SEC23B: variants seen among roughly 807,000 people sequenced by gnomAD.
SEC23B encodes SEC23 homolog B, COPII component, also known as protein transport protein Sec23B.
Under a neutral mutation model 104.3 loss-of-function variants are expected in SEC23B, and 77 were observed. The observed-to-expected ratio is 0.74, with a 90% confidence interval of 0.61 to 0.89. SEC23B has a LOEUF of 0.89. SEC23B is among the 40% of genes least tolerant of loss of function. The pLI is 0.00. For synonymous variants in SEC23B, 338 were observed against 332.5 expected, an observed-to-expected ratio of 1.02 and a Z score of -0.18; for missense variants, 885 against 949.4, an observed-to-expected ratio of 0.93 and a Z score of 0.89.
intron 10 of SEC23B, among the ~76,000 whole-genome samples, 191 bp from the exon 11 acceptor site, chr20:18,532,473 G>A (rs2060195870): frequency 6.6e-6 from 1 of 152,160 alleles, no homozygotes; most frequent in Non-Finnish European, 1.5e-5. Flanking sequence ...TCTAAGGGTG[G>A]ATTTTATTAA....
chr20:18,515,173 C>T (rs1311158451), intron 3 of SEC23B, among the ~76,000 whole-genome samples: 1 of 152,132 alleles, frequency 6.6e-6, no homozygotes, highest in Non-Finnish European at 1.5e-5. Context: ...TAGCTTAAAA[C>T]TGCTCTAAAA....
chr20:18,508,298 G>A (rs1181162077), intron 1 of SEC23B: 1 of 152,224 alleles, frequency 6.6e-6, no homozygotes, highest in African/African-American at 2.4e-5. Flanking sequence ...TGGAACCCAG[G>A]TCCTTGGACT....
chr20:18,560,424 C>A (rs1568629153), intron 19 of SEC23B, among the ~76,000 whole-genome samples: 1 of 152,146 alleles, frequency 6.6e-6, no homozygotes, highest in Non-Finnish European at 1.5e-5. Context: ...ATGCTCAAAA[C>A]TAGCAGGCGG....
intron 17 of SEC23B, among the ~76,000 whole-genome samples, chr20:18,553,948 G>A (rs1217615493): frequency 1.3e-5 from 2 of 152,122 alleles, no homozygotes; most frequent in East Asian, 1.9e-4. Context: ...GGAGTCCACC[G>A]CTCCTTGGGA....
intron 12 of SEC23B, among the ~76,000 whole-genome samples, chr20:18,538,175 A>T (rs924033905): frequency 6.6e-6 from 1 of 151,586 alleles, no homozygotes; most frequent in African/African-American, 2.4e-5. Flanking sequence ...AACTGACCTC[A>T]AGTGATCTGC....
At chr20:18,531,938 G>A (rs1186708631) in intron 10 of SEC23B, among the ~76,000 whole-genome samples, 4 of 152,018 alleles carry the variant, frequency 2.6e-5, no homozygotes, top group South Asian at 4.2e-4. Flanking sequence ...CACACCTGTG[G>A]TTCCAGCTAC....
At chr20:18,534,219 G>T (rs1218535880) in intron 11 of SEC23B, among the ~76,000 whole-genome samples, 1 of 152,170 alleles carries the variant, frequency 6.6e-6, no homozygotes, top group Non-Finnish European at 1.5e-5. Flanking sequence ...AAGCACGTCA[G>T]TATGCATCTT....
intron 6 of SEC23B, among the ~76,000 whole-genome samples, chr20:18,525,320 C>T (rs1206354467): frequency 6.6e-6 from 1 of 152,208 alleles, no homozygotes; most frequent in Non-Finnish European, 1.5e-5. Context: ...TCACTTGACT[C>T]AGCCCATTGA....
rs780290345 is a variant in SEC23B, at chr20:18,554,405, T to A, written c.2148+15T>A. On this transcript the variant is annotated intron_variant, in intron 18 of 19. Coordinates refer to ENST00000650089, the MANE Select transcript of SEC23B (RefSeq NM_006363.6). The stretch of plus-strand genomic sequence containing the variant: ...GAGGCAGTCAGGTGAGTGAGCTGAG[T>A]TCTAACTCCAGTGGTTTGTTCGTTT... The A allele has an allele frequency of 6.2e-7, 1 of 1,614,018 alleles. No individual in the cohort carries two copies. Among genetic ancestry groups the A allele is most frequent in the Non-Finnish European group, 8.5e-7 (1 of 1,179,896 alleles).
chr20:18,538,614 A>T (rs1031454722), intron 12 of SEC23B, among the ~76,000 whole-genome samples: 5 of 152,214 alleles, frequency 3.3e-5, no homozygotes, highest in African/African-American at 1.2e-4. Flanking sequence ...TCCTTCCAGG[A>T]AAGATTTCTC....
At chr20:18,510,201 T>G (rs2059969483) in intron 1 of SEC23B, among the ~76,000 whole-genome samples, 1 of 152,196 alleles carries the variant, frequency 6.6e-6, no homozygotes, top group African/African-American at 2.4e-5. Context: ...GACTTACCCT[T>G]GAGCAAGGGG....
chr20:18,549,284 A>G (rs1463205581), intron 16 of SEC23B, among the ~76,000 whole-genome samples: 1 of 152,218 alleles, frequency 6.6e-6, no homozygotes, highest in Non-Finnish European at 1.5e-5. Context: ...ATAAAATTAC[A>G]TAATATTTGC....
At chr20:18,527,967 C>T (rs1426494394) in intron 9 of SEC23B, among the ~76,000 whole-genome samples, 1 of 152,192 alleles carries the variant, frequency 6.6e-6, no homozygotes, top group Non-Finnish European at 1.5e-5. Context: ...AATGCTGAAA[C>T]AACTAGGATA....
At chr20:18,540,030 T>TTTTC (rs1555790044) in intron 12 of SEC23B, among the ~76,000 whole-genome samples, 1 of 152,094 alleles carries the variant, frequency 6.6e-6, no homozygotes, top group Non-Finnish European at 1.5e-5. Context: ...CCCCTCAAAA[T>TTTTC]TATAAGAACT....
chr20:18,532,572 A>T, intron 10 of SEC23B, 92 bp from the exon 11 acceptor site: 1 of 929,226 alleles, frequency 1.1e-6, no homozygotes, highest in Non-Finnish European at 1.8e-6. Context: ...TAGTAGTGTT[A>T]TATTTTCCCT....
intron 4 of SEC23B, among the ~76,000 whole-genome samples, chr20:18,522,373 G>A (rs140661830): frequency 4.6e-5 from 7 of 152,342 alleles, no homozygotes; most frequent in Non-Finnish European, 7.3e-5. Context: ...TGACCGGCGC[G>A]TTTTGGGTCC....
At chr20:18,555,821 A>C (rs1169106053) in intron 19 of SEC23B, among the ~76,000 whole-genome samples, 4 of 152,050 alleles carry the variant, frequency 2.6e-5, no homozygotes, top group African/African-American at 9.7e-5. Flanking sequence ...TGAGATTTTT[A>C]AGGTCAAGAT....
At chr20:18,527,025 T>C (rs1338517839) in intron 8 of SEC23B, among the ~76,000 whole-genome samples, 1 of 152,196 alleles carries the variant, frequency 6.6e-6, no homozygotes, top group Non-Finnish European at 1.5e-5. Flanking sequence ...AGACGAGTCT[T>C]GCCAACATGG....
At chr20:18,523,021 C>T (rs113332632) in intron 4 of SEC23B, among the ~76,000 whole-genome samples, 15 of 151,818 alleles carry the variant, frequency 9.9e-5, no homozygotes, top group Non-Finnish European at 1.9e-4. Flanking sequence ...GAGCCGAGAT[C>T]GCGCCACTGC....
Sources: allele counts gnomAD v4.1 joint callset (sites outside exome capture counted in the v4.1 genomes callset), GRCh38; gene constraint gnomAD v4.1.1; transcripts MANE v1.5; gene names NCBI Gene and HGNC (gene_info 2026-07-23, HGNC 2026-07-21).